The following KCNQ1 variants were observed in gnomAD, a reference collection of about 807,000 sequenced individuals.
KCNQ1 encodes potassium voltage-gated channel subfamily Q member 1, also known as potassium voltage-gated channel subfamily KQT member 1.
KCNQ1 carries 49 observed loss-of-function variants against 72.4 expected under a neutral mutation model. That is an observed-to-expected ratio of 0.68 (90% CI 0.54 to 0.86). The LOEUF (loss-of-function observed/expected upper bound fraction) is 0.86, where lower values mean the gene tolerates loss of function less well. KCNQ1 is among the 40% of genes least tolerant of loss of function. The probability of loss-of-function intolerance (pLI) is 0.00; values close to 1 mark genes in which losing one functional copy is unlikely to be tolerated. For synonymous variants in KCNQ1, 450 were observed against 412.6 expected (o/e 1.09, Z -1.10); for missense variants, 790 against 945.1 (o/e 0.84, Z 2.15).
Position 2,644,947 on chromosome 11 carries a change from G to T in KCNQ1, c.1394-17014G>T. On this transcript the variant is annotated intron_variant, in intron 10 of 15. Coordinates refer to ENST00000155840, the MANE Select transcript of KCNQ1 (RefSeq NM_000218.3). Reference sequence around the variant, plus strand: ...CAGGCCCCAGTGGCAGCAGTGGCTGGCCCCGAATGCTTATCCTTGGGCCCA... The same window carrying T: ...CAGGCCCCAGTGGCAGCAGTGGCTGTCCCCGAATGCTTATCCTTGGGCCCA... The T allele has an allele frequency of 7.5e-6, 3 of 398,698 alleles. No homozygotes were observed. In the East Asian group the frequency reaches 1.1e-4, roughly 14 times the overall value. The allele number at this position is 398,698 out of a possible 1,614,324, so 24.7% of individuals were successfully genotyped here.
In KCNQ1 at chr11:2,600,341, A is replaced by C. The variant is rs1259099592; in HGVS notation, c.1393+11487A>C. On this transcript the variant is annotated intron_variant, in intron 10 of 15. Transcript: ENST00000155840. This position sits in a 1 kb window ranked among gnomAD's most constrained non-coding sequence, Gnocchi z 5.6. ...CAAAACAAACTGTTTATTTGGCCAT[A>C]ATTTTGAACTACAGAAAAATTACAA... Among the ~76,000 whole-genome samples the C allele has an allele frequency of 2.6e-5, 4 of 152,200 alleles. No homozygotes were observed. Among genetic ancestry groups the C allele is most frequent in the African/African-American group, 7.2e-5 (3 of 41,446 alleles).
intron 2 of KCNQ1, among the ~76,000 whole-genome samples, chr11:2,534,147 T>C (rs532228641): frequency 1.3e-5 from 2 of 152,262 alleles, no homozygotes; most frequent in South Asian, 4.1e-4. Flanking sequence ...AGCAGCAAAG[T>C]GAGACCCTGT....
rs147374562 is a variant in KCNQ1, at chr11:2,603,838, G to C, written c.1393+14984G>C. Among the ~76,000 whole-genome samples the C allele has an allele frequency of 6.6e-6, 1 of 151,976 alleles. No individual in the cohort carries two copies. The highest frequency in any genetic ancestry group is 2.1e-4 in the South Asian group (1 of 4,798). The stretch of plus-strand genomic sequence containing the variant: ...CCCAAGTAGGTGGGATTACGGGCAC[G>C]CACCACCAAGCCCGGCTAATTTTTG... On this transcript the variant is annotated intron_variant, in intron 10 of 15. Coordinates refer to ENST00000155840, the MANE Select transcript of KCNQ1 (RefSeq NM_000218.3). This position sits in a 1 kb window ranked among gnomAD's most constrained non-coding sequence, Gnocchi z 4.1.
At chr11:2,801,985 C>A (rs912648461) in intron 15 of KCNQ1, among the ~76,000 whole-genome samples, 2 of 152,232 alleles carry the variant, frequency 1.3e-5, no homozygotes, top group Non-Finnish European at 2.9e-5. Context: ...GGTCTGGGGT[C>A]TTTGCCTCCA....
chr11:2,700,042 T>G (rs1316638364), intron 11 of KCNQ1: 4 of 397,968 alleles, frequency 1.0e-5, no homozygotes, highest in East Asian at 3.6e-5. Context: ...GCTGCCGACG[T>G]GGCGACCGCC....
At position 2,547,788 on chromosome 11, in the gene KCNQ1, G is replaced by A. The variant is rs777665427; in HGVS notation, c.477+19770G>A. On this transcript the variant is annotated intron_variant, in intron 2 of 15. Transcript: ENST00000155840. This position sits in a 1 kb window ranked among gnomAD's most constrained non-coding sequence, Gnocchi z 4.2. The stretch of plus-strand genomic sequence containing the variant: ...GTGAGTGGCATGGAAGGGGAGGGGC[G>A]GCAGTTCTCAGTGGAGCGGCCGGGC... Among the ~76,000 whole-genome samples, 8 of 152,188 alleles carry A rather than the reference G, an allele frequency of 5.3e-5. No individual in the cohort carries two copies. Among genetic ancestry groups the A allele is most frequent in the African/African-American group, 1.4e-4 (6 of 41,438 alleles).
intron 11 of KCNQ1, among the ~76,000 whole-genome samples, chr11:2,701,982 G>T (rs1040071413): frequency 1.3e-5 from 2 of 152,228 alleles, no homozygotes; most frequent in African/African-American, 4.8e-5. Flanking sequence ...TTGAGTTGAG[G>T]GTGGCCTCAG....
intron 1 of KCNQ1, among the ~76,000 whole-genome samples, chr11:2,522,270 TG>T (rs34409744): frequency 0.65 from 97,466 of 151,092 alleles, 31,833 homozygotes; most frequent in African/African-American, 0.69. Context: ...CCACATGAGC[TG>T]GGGGGGGGTC....
intron 15 of KCNQ1, among the ~76,000 whole-genome samples, chr11:2,795,780 G>A (rs376408682): frequency 2.0e-4 from 30 of 152,186 alleles, no homozygotes; most frequent in African/African-American, 5.8e-4. Context: ...GCCTTTCCCC[G>A]GGTCCATGAG....
intron 1 of KCNQ1, among the ~76,000 whole-genome samples, chr11:2,503,887 T>C (rs1046381263): frequency 3.3e-4 from 51 of 152,286 alleles, no homozygotes; most frequent in African/African-American, 1.2e-3. Flanking sequence ...TTGGTGGGAA[T>C]GTAAGTTACT....
At chr11:2,467,935 G>T (rs1846375689) in intron 1 of KCNQ1, among the ~76,000 whole-genome samples, 1 of 152,248 alleles carries the variant, frequency 6.6e-6, no homozygotes, top group South Asian at 2.1e-4. Flanking sequence ...ACAGGGCAGG[G>T]AGGCTGATGG....
chr11:2,564,931 G>A lies in KCNQ1; in HGVS notation c.478-5697G>A, dbSNP rs1848224477. ...GTGTGAGAATCCCCTTCCTTTTTAA[G>A]GCCAAATCCTATTCCGTGGTAGGGA... On this transcript the variant is annotated intron_variant, in intron 2 of 15. Transcript: ENST00000155840. The surrounding 1 kb of genome is among the most constrained non-coding windows in gnomAD (Gnocchi z 4.5). Among the ~76,000 whole-genome samples the A allele has an allele frequency of 6.6e-6, 1 of 152,154 alleles. No individual in the cohort carries two copies. The highest frequency in any genetic ancestry group is 2.4e-5 in the African/African-American group (1 of 41,430).
At chr11:2,521,367 C>CTG (rs1847379264) in intron 1 of KCNQ1, 2 of 374,436 alleles carry the variant, frequency 5.3e-6, no homozygotes, top group Admixed American at 3.1e-5. Context: ...GTGACTGGCA[C>CTG]TGTGTGTTAT....
chr11:2,534,683 G>A (rs1442090452), intron 2 of KCNQ1, among the ~76,000 whole-genome samples: 5 of 152,336 alleles, frequency 3.3e-5, no homozygotes, highest in African/African-American at 9.6e-5. Flanking sequence ...GGGCCTGTGG[G>A]CTCACTTGCC....
At chr11:2,672,418 G>C (rs1850202590) in intron 11 of KCNQ1, 1 of 398,462 alleles carries the variant, frequency 2.5e-6, no homozygotes, top group Non-Finnish European at 4.4e-6. Flanking sequence ...TGAGAGTACA[G>C]AACAGTCCAC....
rs1002299459 is a variant in KCNQ1, at chr11:2,675,792, G to T, written c.1514+13711G>T. 1.2e-4 allele frequency: 47 copies of T among 398,716 alleles called. No homozygotes were observed. In the Admixed American group the frequency reaches 1.3e-3, roughly 11 times the overall value. 24.7% of individuals were successfully genotyped at this position (398,716 alleles called of 1,614,324 possible). ...GTGTGCGGGGAGCTGCTGCCCGCAG[G>T]GCATACCAGCCACGTGCATGCAGGG... On this transcript the variant is annotated intron_variant, in intron 11 of 15. Coordinates refer to ENST00000155840, the MANE Select transcript of KCNQ1 (RefSeq NM_000218.3).
chr11:2,460,996 G>C (rs1846269482), intron 1 of KCNQ1, among the ~76,000 whole-genome samples: 1 of 152,200 alleles, frequency 6.6e-6, no homozygotes, highest in African/African-American at 2.4e-5. Context: ...GGGTTTCCGG[G>C]GGTGTCCGGG....
chr11:2,673,778 G>A lies in KCNQ1; in HGVS notation c.1514+11697G>A. The stretch of plus-strand genomic sequence containing the variant: ...TCCCTTCTTGCTGGTATGTTGGGAA[G>A]CTCTGGTGCAAAGGGCAGTGATGGC... On this transcript the variant is annotated intron_variant, in intron 11 of 15. Transcript: ENST00000155840. The surrounding 1 kb of genome is among the most constrained non-coding windows in gnomAD (Gnocchi z 4.5). 1 of 398,714 alleles carries A rather than the reference G, an allele frequency of 2.5e-6. No individual in the cohort carries two copies. Among genetic ancestry groups the A allele is most frequent in the Admixed American group, 4.4e-5 (1 of 22,740 alleles). The allele number at this position is 398,714 out of a possible 1,614,324, so 24.7% of individuals were successfully genotyped here.
rs760761737 is a variant in KCNQ1, at chr11:2,447,869, G to A, written c.386+2385G>A. Among the ~76,000 whole-genome samples, 13 of 152,182 alleles carry A rather than the reference G, an allele frequency of 8.5e-5. No individual in the cohort carries two copies. The highest frequency in any genetic ancestry group is 1.8e-4 in the Non-Finnish European group (12 of 68,004). On this transcript the variant is annotated intron_variant, in intron 1 of 15. Transcript: ENST00000155840. The surrounding 1 kb of genome is among the most constrained non-coding windows in gnomAD (Gnocchi z 7.6). ...AGGGCTAGGGCGAACTCTCCTGTGTGCGCCTGGGGAAGCCAGCCAGGATAT... is the reference window on the plus strand; with the variant it reads ...AGGGCTAGGGCGAACTCTCCTGTGTACGCCTGGGGAAGCCAGCCAGGATAT...
Sources: gnomAD v4.1 joint callset for allele counts (sites outside exome capture counted in the v4.1 genomes callset) on GRCh38, gnomAD v4.1.1 for gene constraint, Gnocchi (gnomAD v3.1) non-coding constraint, MANE v1.5 for transcripts, NCBI Gene and HGNC (gene_info 2026-07-23, HGNC 2026-07-21) for gene names.